Variants in RBM47 observed in about 807,000 individuals in gnomAD.
RBM47 encodes RNA binding motif protein 47.
In RBM47, 21 loss-of-function variants were observed where a neutral mutation model predicts 47.1. The ratio of observed to expected loss-of-function variants is 0.45; its 90% CI spans 0.32 to 0.64. The LOEUF (loss-of-function observed/expected upper bound fraction) is 0.64. Ranked by LOEUF, RBM47 falls within the 30% of genes least tolerant of loss-of-function variation. The pLI is 0.05. For synonymous variants in RBM47, 375 were observed against 361.7 expected, an observed-to-expected ratio of 1.04 and a Z score of -0.42; for missense variants, 708 against 870.9, an observed-to-expected ratio of 0.81 and a Z score of 2.35.
chr4:40,512,437 C>T (rs1159600668), intron 2 of RBM47, among the ~76,000 whole-genome samples: 3 of 129,024 alleles, frequency 2.3e-5, no homozygotes, highest in Non-Finnish European at 4.8e-5. Flanking sequence ...AAAAAAAGGC[C>T]GGGTGCGGTG....
At chr4:40,453,920 T>C (rs566357508) in intron 3 of RBM47, among the ~76,000 whole-genome samples, 8 of 152,344 alleles carry the variant, frequency 5.3e-5, no homozygotes, top group Admixed American at 2.0e-4. Flanking sequence ...AAGTTAATGA[T>C]AGTTAACTAT....
intron 1 of RBM47, among the ~76,000 whole-genome samples, chr4:40,582,107 T>C (rs925186525): frequency 6.6e-6 from 1 of 152,120 alleles, no homozygotes; most frequent in Non-Finnish European, 1.5e-5. Context: ...TCTCGAATCT[T>C]CATGTCTCAT....
chr4:40,550,908 A>C (rs1194047800), intron 1 of RBM47, among the ~76,000 whole-genome samples: 1 of 141,670 alleles, frequency 7.1e-6, no homozygotes, highest in African/African-American at 2.6e-5. Context: ...CAAGGAATGC[A>C]AAAAAAAAAA....
At chr4:40,496,037 T>C (rs908256299) in intron 2 of RBM47, among the ~76,000 whole-genome samples, 2 of 152,184 alleles carry the variant, frequency 1.3e-5, no homozygotes, top group Non-Finnish European at 2.9e-5. Context: ...CAATTGATCA[T>C]CCCCATCTTT....
intron 1 of RBM47, among the ~76,000 whole-genome samples, chr4:40,582,702 C>T (rs1284732202): frequency 6.6e-6 from 1 of 152,168 alleles, no homozygotes. Context: ...TGAACACATT[C>T]TTCTGGCTCC....
chr4:40,618,371 C>T (rs1736934789), intron 1 of RBM47, among the ~76,000 whole-genome samples: 1 of 151,982 alleles, frequency 6.6e-6, no homozygotes, highest in Non-Finnish European at 1.5e-5. Context: ...TTACAGTGAG[C>T]AATGTCACGC....
chr4:40,436,206 A>ACAAACAAAC (rs142373140), intron 5 of RBM47, among the ~76,000 whole-genome samples: 4 of 143,390 alleles, frequency 2.8e-5, no homozygotes, highest in African/African-American at 1.2e-4. Context: ...AAACAAACAA[A>ACAAACAAAC]AAAAAACCTT....
chr4:40,425,669 A>G lies in RBM47; in HGVS notation c.*235T>C. 2.0e-6 allele frequency: 1 copy of G among 501,090 alleles called. No individual in the cohort carries two copies. Among genetic ancestry groups the G allele is most frequent in the East Asian group, 3.5e-5 (1 of 28,358 alleles). 31.0% of individuals were successfully genotyped at this position (501,090 alleles called of 1,614,324 possible). A position where few individuals can be genotyped will look rare whatever the true frequency, so the allele number is the denominator to read the frequency against. ...ATACAAATTTTTAAAAGATGGAATGAAGGCACGAACCATTGCAAGTCTTTT... is the reference window on the plus strand; with the variant it reads ...ATACAAATTTTTAAAAGATGGAATGGAGGCACGAACCATTGCAAGTCTTTT... On this transcript the variant is annotated 3_prime_UTR_variant, in exon 7 of 7. Coordinates refer to ENST00000295971, the MANE Select transcript of RBM47 (RefSeq NM_001098634.2).
rs749256704 is a variant in RBM47 at position 40,553,141 on chromosome 4, C to CT, written c.-239-8636dup. Among the ~76,000 whole-genome samples, 1,184 of 135,664 alleles carry CT rather than the reference C, an allele frequency of 8.7e-3. 3 individuals carry two copies. The highest frequency in any genetic ancestry group is 0.015 in the African/African-American group (543 of 37,346). 89.0% of individuals were successfully genotyped at this position (135,664 alleles called of 152,430 possible). ...CGCCACCACGCCCCACCTCTGATTG[C>CT]TTTTTTTTTTTTTTAATATGGAATA... On this transcript the variant is annotated intron_variant, in intron 1 of 6. Coordinates refer to ENST00000295971, the MANE Select transcript of RBM47 (RefSeq NM_001098634.2).
rs547989444 is a variant in RBM47, at chr4:40,600,942, G to A, written c.-240+28454C>T. Among the ~76,000 whole-genome samples, 40 of 124,990 alleles carry A rather than the reference G, an allele frequency of 3.2e-4. No homozygotes were observed. In the South Asian group the frequency reaches 8.9e-3, roughly 28 times the overall value. 82.0% of individuals were successfully genotyped at this position (124,990 alleles called of 152,430 possible). A position where few individuals can be genotyped will look rare whatever the true frequency, so the allele number is the denominator to read the frequency against. On this transcript the variant is annotated intron_variant, in intron 1 of 6. Coordinates refer to ENST00000295971, the MANE Select transcript of RBM47 (RefSeq NM_001098634.2). Reference sequence around the variant, plus strand: ...GGAGTTTGCGGTAAGCCAAGATCGCGCCACTGCACTCTAGCCTAGGCAACA... The same window carrying A: ...GGAGTTTGCGGTAAGCCAAGATCGCACCACTGCACTCTAGCCTAGGCAACA...
intron 6 of RBM47, chr4:40,426,789 C>T (rs1015707169): frequency 1.3e-5 from 2 of 152,014 alleles, no homozygotes; most frequent in African/African-American, 4.8e-5. Flanking sequence ...TTATTCAAGC[C>T]ACGGTTGGTT....
At chr4:40,430,964 G>A (rs920569926) in intron 6 of RBM47, among the ~76,000 whole-genome samples, 2 of 151,942 alleles carry the variant, frequency 1.3e-5, no homozygotes, top group African/African-American at 4.8e-5. Flanking sequence ...CGTGTTTGTG[G>A]TCCCAACTAC....
intron 1 of RBM47, among the ~76,000 whole-genome samples, chr4:40,619,272 A>G (rs1476900791): frequency 2.6e-5 from 4 of 152,158 alleles, no homozygotes; most frequent in Non-Finnish European, 4.4e-5. Flanking sequence ...CTACAAAAAA[A>G]TCAAAGAATT....
intron 3 of RBM47, among the ~76,000 whole-genome samples, chr4:40,451,839 G>GT: frequency 1.3e-5 from 2 of 152,326 alleles, no homozygotes; most frequent in East Asian, 3.9e-4. Flanking sequence ...GCTACTGCAT[G>GT]TTCCTTGGAG....
chr4:40,423,633 T>C lies in RBM47; in HGVS notation c.*2271A>G, dbSNP rs527848260. On this transcript the variant is annotated 3_prime_UTR_variant, in exon 7 of 7. Transcript: ENST00000295971. ...TTTGGTGGTTGCCATGTTATCATTT[T>C]TTTTTATTCTTTCTTTCTTTTTCTT... 1 of 151,778 alleles carries C rather than the reference T, an allele frequency of 6.6e-6. No individual in the cohort carries two copies. Among genetic ancestry groups the C allele is most frequent in the East Asian group, 1.9e-4 (1 of 5,176 alleles). The allele number at this position is 151,778 out of a possible 1,614,324, so 9.4% of individuals were successfully genotyped here. A position where few individuals can be genotyped will look rare whatever the true frequency, so the allele number is the denominator to read the frequency against.
At chr4:40,509,779 C>T (rs866688241) in intron 2 of RBM47, among the ~76,000 whole-genome samples, 19 of 151,872 alleles carry the variant, frequency 1.3e-4, no homozygotes, top group African/African-American at 4.1e-4. Flanking sequence ...CTAGCTACTG[C>T]GGAGGCTGAG....
intron 1 of RBM47, among the ~76,000 whole-genome samples, chr4:40,557,175 A>G (rs1730181081): frequency 6.6e-6 from 1 of 152,150 alleles, no homozygotes; most frequent in Non-Finnish European, 1.5e-5. Context: ...GGTTACCTCC[A>G]TTCTTCAGAT....
chr4:40,455,833 T>G (rs1716158352), intron 3 of RBM47, among the ~76,000 whole-genome samples: 1 of 152,296 alleles, frequency 6.6e-6, no homozygotes, highest in South Asian at 2.1e-4. Context: ...TTATTTCAGA[T>G]GGTCAAGAAT....
At chr4:40,521,129 T>A (rs1726151023) in intron 2 of RBM47, among the ~76,000 whole-genome samples, 1 of 152,192 alleles carries the variant, frequency 6.6e-6, no homozygotes, top group Admixed American at 6.6e-5. Flanking sequence ...TAAGAATGTA[T>A]TTGGTAACAC....
Sources: allele counts gnomAD v4.1 joint callset (sites outside exome capture counted in the v4.1 genomes callset), GRCh38; gene constraint gnomAD v4.1.1; transcripts MANE v1.5; gene names NCBI Gene and HGNC (gene_info 2026-07-23, HGNC 2026-07-21).